SLCO6A1: variants seen among roughly 807,000 people sequenced by gnomAD.
SLCO6A1 encodes solute carrier organic anion transporter family member 6A1.
A neutral mutation model predicts 72.7 loss-of-function variants in SLCO6A1; 65 were observed. The observed-to-expected ratio is 0.89, with a 90% confidence interval of 0.73 to 1.10. The LOEUF is 1.10. Ranked by LOEUF, SLCO6A1 falls within the 50% of genes least tolerant of loss-of-function variation. The probability of loss-of-function intolerance (pLI) is 0.00; values close to 1 mark genes in which losing one functional copy is unlikely to be tolerated. For missense variants in SLCO6A1, 874 were observed against 872.6 expected, an observed-to-expected ratio of 1.00 and a Z score of -0.02; for synonymous variants, 314 against 298.2, an observed-to-expected ratio of 1.05 and a Z score of -0.55.
chr5:102,373,298 TA>T (rs1750725168), intron 13 of SLCO6A1, 38 bp downstream of exon 13: 7 of 1,300,904 alleles, frequency 5.4e-6, no homozygotes, highest in Non-Finnish European at 7.1e-6. Flanking sequence ...TTATTAATAT[TA>T]ATATTTCATT....
intron 8 of SLCO6A1, among the ~76,000 whole-genome samples, chr5:102,414,749 G>C (rs2112595016): frequency 6.6e-6 from 1 of 151,968 alleles, no homozygotes; most frequent in South Asian, 2.1e-4. Flanking sequence ...CAAAAAAATA[G>C]CCAGGCGTAG....
chr5:102,383,094 G>GTGT, intron 12 of SLCO6A1, among the ~76,000 whole-genome samples: 24,970 of 140,270 alleles, frequency 0.18, 3,110 homozygotes, highest in Non-Finnish European at 0.23. Flanking sequence ...ATATGTGTGT[G>GTGT]AATATATATA....
Position 102,419,983 on chromosome 5 carries a change from G to C in SLCO6A1, c.1315C>G (p.Leu439Val). 6.3e-7 allele frequency: 1 copy of C among 1,587,444 alleles called. No homozygotes were observed. Residue 439 changes from leucine (L) to valine (V), a missense_variant, in exon 8 of 14, where the codon CTG becomes GTG. Leu to Val is a conservative substitution (Grantham distance 32). Coordinates refer to ENST00000506729, the MANE Select transcript of SLCO6A1 (RefSeq NM_173488.5). ...AATGTGGAAACAATGACACCTCCCA[G>C]AAGCTGGCCAAGTGCACCTCCTGGA... ...LIPGGALGQL[L>V]GGVIVSTLEM...
intron 5 of SLCO6A1, among the ~76,000 whole-genome samples, chr5:102,458,851 T>C (rs950417716): frequency 6.6e-6 from 1 of 152,160 alleles, no homozygotes; most frequent in African/African-American, 2.4e-5. Flanking sequence ...GGGAATAATC[T>C]TTGATATAAC....
intron 5 of SLCO6A1, among the ~76,000 whole-genome samples, chr5:102,459,199 C>G (rs984884742): frequency 1.3e-5 from 2 of 152,058 alleles, no homozygotes; most frequent in African/African-American, 4.8e-5. Context: ...AGTTTGAGGC[C>G]AGGAGTTTAA....
intron 1 of SLCO6A1, among the ~76,000 whole-genome samples, chr5:102,492,548 G>C (rs1436331387): frequency 1.3e-5 from 2 of 152,116 alleles, no homozygotes; most frequent in African/African-American, 4.8e-5. Context: ...GGACAGGACA[G>C]TGGGTGCAGC....
chr5:102,495,643 AATTG>A (rs952484765), intron 1 of SLCO6A1, among the ~76,000 whole-genome samples: 15 of 152,102 alleles, frequency 9.9e-5, no homozygotes, highest in African/African-American at 3.4e-4. Flanking sequence ...TAAAAAATAA[AATTG>A]ATTGCACTGT....
At chr5:102,455,264 T>C (rs1580457122) in intron 6 of SLCO6A1, among the ~76,000 whole-genome samples, 1 of 151,540 alleles carries the variant, frequency 6.6e-6, no homozygotes, top group South Asian at 2.1e-4. Flanking sequence ...TCTAAGAAAA[T>C]GGGATAGGAA....
At chr5:102,416,948 G>T (rs548669126) in intron 8 of SLCO6A1, among the ~76,000 whole-genome samples, 1 of 151,992 alleles carries the variant, frequency 6.6e-6, no homozygotes, top group Admixed American at 6.6e-5. Flanking sequence ...TCTATTTATT[G>T]TTGAGCCTTC....
intron 8 of SLCO6A1, among the ~76,000 whole-genome samples, chr5:102,414,932 TAAATA>T (rs1561441814): frequency 1.4e-4 from 21 of 150,186 alleles, no homozygotes; most frequent in East Asian, 9.7e-4. Context: ...AATAAATAAA[TAAATA>T]AATTAATTAA....
At chr5:102,377,130 C>T (rs1173465512) in intron 12 of SLCO6A1, among the ~76,000 whole-genome samples, 1 of 152,162 alleles carries the variant, frequency 6.6e-6, no homozygotes, top group African/African-American at 2.4e-5. Flanking sequence ...CTCCACTTCA[C>T]TCCAGCCTGG....
chr5:102,464,365 C>T (rs1401224586), intron 4 of SLCO6A1, among the ~76,000 whole-genome samples: 1 of 151,646 alleles, frequency 6.6e-6, no homozygotes, highest in Non-Finnish European at 1.5e-5. Flanking sequence ...CAATTAATAT[C>T]CATAATAAGT....
At chr5:102,421,096 T>C (rs751067872) in intron 7 of SLCO6A1, among the ~76,000 whole-genome samples, 20 of 152,240 alleles carry the variant, frequency 1.3e-4, no homozygotes, top group South Asian at 8.3e-4. Flanking sequence ...CCAGATACTA[T>C]GCTTTTCCCA....
intron 8 of SLCO6A1, among the ~76,000 whole-genome samples, chr5:102,414,534 A>G (rs1000113524): frequency 1.3e-4 from 20 of 152,218 alleles, no homozygotes; most frequent in African/African-American, 4.3e-4. Flanking sequence ...AATCCAGTAA[A>G]GTTTCAGTGT....
At chr5:102,434,258 AT>A (rs1249603094) in intron 7 of SLCO6A1, among the ~76,000 whole-genome samples, 1 of 152,084 alleles carries the variant, frequency 6.6e-6, no homozygotes, top group Non-Finnish European at 1.5e-5. Flanking sequence ...TTTGCTTAGA[AT>A]TTTGGAAGAC....
At chr5:102,432,340 C>A (rs72779972) in intron 7 of SLCO6A1, among the ~76,000 whole-genome samples, 1 of 151,908 alleles carries the variant, frequency 6.6e-6, no homozygotes, top group Non-Finnish European at 1.5e-5. Flanking sequence ...CAATGGTTTG[C>A]ATACTTAAGT....
chr5:102,459,688 A>G lies in SLCO6A1; in HGVS notation c.989T>C (p.Ile330Thr). ...FAAVVAWCTL[I>T]PLSCFPNNMP... ...ATTGTTTGGAAAGCATGACAATGGT[A>G]TTAATGTACACCATGCAACGACAGC... Residue 330 changes from isoleucine to threonine, a missense_variant, in exon 5 of 14, where the codon ATA (isoleucine) becomes ACA (threonine). Physicochemically the swap from Ile to Thr is moderately conservative, Grantham distance 89. Transcript: ENST00000506729. 3 of 1,605,238 alleles carry G rather than the reference A, an allele frequency of 1.9e-6. No homozygotes were observed.
chr5:102,466,218 T>C (rs189513094), intron 4 of SLCO6A1, among the ~76,000 whole-genome samples: 316 of 152,096 alleles, frequency 2.1e-3, no homozygotes, highest in Non-Finnish European at 2.9e-3. Context: ...ATTTTTCCTA[T>C]CTATGTATCT....
intron 7 of SLCO6A1, among the ~76,000 whole-genome samples, chr5:102,435,443 TG>T (rs2112668448): frequency 6.6e-6 from 1 of 152,308 alleles, no homozygotes; most frequent in East Asian, 1.9e-4. Flanking sequence ...CGTGCCTCCC[TG>T]TTTCCTCTCA....
Sources: gnomAD v4.1 joint callset for allele counts (sites outside exome capture counted in the v4.1 genomes callset) on GRCh38, gnomAD v4.1.1 for gene constraint, MANE v1.5 for transcripts, NCBI Gene and HGNC (gene_info 2026-07-23, HGNC 2026-07-21) for gene names.